The following CDK2AP1 variants were observed in gnomAD, a reference collection of about 807,000 sequenced individuals.
CDK2AP1 encodes cyclin dependent kinase 2 associated protein 1.
In CDK2AP1, 10 loss-of-function variants were observed where a neutral mutation model predicts 14.1. The observed-to-expected ratio is 0.71, with a 90% CI of 0.44 to 1.20. The LOEUF is 1.20. Ranked by LOEUF, CDK2AP1 falls within the 50% of genes most tolerant of loss-of-function variation. The pLI, the probability that CDK2AP1 is intolerant of heterozygous loss-of-function variation, is 0.00. For synonymous variants in CDK2AP1, 59 were observed against 59.8 expected (o/e 0.99, Z 0.06); for missense variants, 102 against 149.9 (o/e 0.68, Z 1.67).
chr12:123,263,369 G>A (rs1385029630), intron 3 of CDK2AP1, among the ~76,000 whole-genome samples: 2 of 152,158 alleles, frequency 1.3e-5, no homozygotes, highest in Non-Finnish European at 2.9e-5. Context: ...GCTTGGGCTT[G>A]GCTGTTGGCC....
intron 1 of CDK2AP1, among the ~76,000 whole-genome samples, chr12:123,269,988 G>C (rs924219532): frequency 3.3e-5 from 5 of 152,162 alleles, no homozygotes; most frequent in Admixed American, 3.3e-4. Context: ...GGTCCAGCCA[G>C]CCCAGAACAG....
rs1288995624 is a variant in CDK2AP1, at chr12:123,265,135, T to C, written c.280+61A>G. On this transcript the variant is annotated intron_variant, in intron 3 of 3. Coordinates refer to ENST00000261692, the MANE Select transcript of CDK2AP1 (RefSeq NM_004642.4). This position sits in a 1 kb window ranked among gnomAD's most constrained non-coding sequence, Gnocchi z 5.3. ...CACCTTCCCACATTTTCCCCAAAAG[T>C]CTTTCCAGAGTTAAAGGTCTAGCAC... 4 of 1,603,158 alleles carry C rather than the reference T, an allele frequency of 2.5e-6. No homozygotes were observed. In the African/African-American group the frequency reaches 5.4e-5, roughly 21 times the overall value.
At chr12:123,267,142 TC>T in intron 2 of CDK2AP1, 42 bp downstream of exon 2, 2 of 1,102,978 alleles carry the variant, frequency 1.8e-6, no homozygotes, top group Non-Finnish European at 2.8e-6. Flanking sequence ...GAAGCATGTC[TC>T]CCCCTGGCCC....
At chr12:123,266,151 TC>T (rs916516339) in intron 2 of CDK2AP1, among the ~76,000 whole-genome samples, 1 of 151,838 alleles carries the variant, frequency 6.6e-6, no homozygotes, top group African/African-American at 2.4e-5. Flanking sequence ...GGTCCTTGCC[TC>T]CCCCCTCCTC....
At chr12:123,266,424 G>C (rs1429761174) in intron 2 of CDK2AP1, among the ~76,000 whole-genome samples, 1 of 152,258 alleles carries the variant, frequency 6.6e-6, no homozygotes, top group East Asian at 1.9e-4. Flanking sequence ...GGTGGGGCAT[G>C]GCCGGGGAGC....
At chr12:123,268,955 C>A (rs566338192) in intron 1 of CDK2AP1, 15 of 152,324 alleles carry the variant, frequency 9.8e-5, no homozygotes, top group African/African-American at 3.6e-4. Context: ...CAGGGCCAGT[C>A]GCTGGGGGTA....
chr12:123,268,303 T>C, intron 1 of CDK2AP1: 3 of 894,802 alleles, frequency 3.4e-6, no homozygotes, highest in Non-Finnish European at 4.0e-6. Flanking sequence ...CACCAGCTGC[T>C]CGCTTGGTGT....
chr12:123,268,107 G>C (rs949112364), intron 1 of CDK2AP1: 1 of 824,566 alleles, frequency 1.2e-6, no homozygotes, highest in African/African-American at 1.8e-5. Flanking sequence ...CGTCCCAGTG[G>C]CCATTAGCGG....
At chr12:123,270,842 C>G in intron 1 of CDK2AP1, 1 of 984,998 alleles carries the variant, frequency 1.0e-6, no homozygotes, top group South Asian at 4.7e-5. Flanking sequence ...CGCGCGGGCC[C>G]CAGCAGCCCC....
Position 123,265,277 on chromosome 12 carries a change from G to A in CDK2AP1, c.199C>T (p.Leu67=), listed in dbSNP as rs747072774. The A allele has an allele frequency of 2.6e-5, 42 of 1,613,998 alleles. No individual in the cohort carries two copies. The highest frequency in any genetic ancestry group is 1.2e-5 in the Non-Finnish European group (14 of 1,179,976). ...TTCCCCAGCTCTTCAATGATGGCCA[G>A]CAGCTCCGCGTATTTGCTTTGGGGC... ...QVPQSKYAEL[L]AIIEELGKEI... is the part of the protein sequence containing the mutation. The change falls in exon 3 of 4, where the codon CTG becomes TTG. Residue 67 remains leucine (L), a synonymous_variant. Transcript: ENST00000261692. This position sits in a 1 kb window ranked among gnomAD's most constrained non-coding sequence, Gnocchi z 5.3.
At chr12:123,267,545 C>T (rs2048309804) in intron 1 of CDK2AP1, 1 of 417,364 alleles carries the variant, frequency 2.4e-6, no homozygotes, top group South Asian at 2.3e-5. Flanking sequence ...TTCCAAGCAG[C>T]AGGGCTGCTC....
At chr12:123,264,400 C>T (rs539257181) in intron 3 of CDK2AP1, among the ~76,000 whole-genome samples, 7 of 134,764 alleles carry the variant, frequency 5.2e-5, no homozygotes, top group Admixed American at 2.6e-4. Context: ...GCGGAGGTTG[C>T]GGTGAGCCGA....
chr12:123,263,146 G>A (rs2048250478), intron 3 of CDK2AP1, among the ~76,000 whole-genome samples: 2 of 150,868 alleles, frequency 1.3e-5, no homozygotes, highest in South Asian at 2.1e-4. Context: ...GGGAGGCGGA[G>A]GTTGCAGTGA....
At chr12:123,270,354 T>G (rs1043408115) in intron 1 of CDK2AP1, 1 of 173,956 alleles carries the variant, frequency 5.7e-6, no homozygotes, top group African/African-American at 2.4e-5. Flanking sequence ...GTGTCCAAGA[T>G]TTTTTTTAGG....
chr12:123,272,085 G>A (rs2048359803), upstream of CDK2AP1: 1 of 151,100 alleles, frequency 6.6e-6, no homozygotes, highest in African/African-American at 2.4e-5. Context: ...GCGGCTGCGG[G>A]AGGCCAGGGC....
At chr12:123,271,064 AG>A in intron 1 of CDK2AP1, 1 of 933,998 alleles carries the variant, frequency 1.1e-6, no homozygotes, top group Non-Finnish European at 1.3e-6. Flanking sequence ...GCAGCCCCGC[AG>A]CCCTCCATCC....
intron 1 of CDK2AP1, chr12:123,267,512 C>T: frequency 2.1e-6 from 1 of 482,166 alleles, no homozygotes; most frequent in South Asian, 2.0e-5. Context: ...CCTCACAGAG[C>T]TCCATCCCAT....
At chr12:123,270,636 C>T (rs2048345694) in intron 1 of CDK2AP1, among the ~76,000 whole-genome samples, 1 of 152,176 alleles carries the variant, frequency 6.6e-6, no homozygotes, top group Non-Finnish European at 1.5e-5. Flanking sequence ...CTCCCCATGG[C>T]TCCCTCGGTC....
intron 3 of CDK2AP1, among the ~76,000 whole-genome samples, chr12:123,264,108 CAA>C (rs772806319): frequency 8.8e-5 from 10 of 114,140 alleles, no homozygotes; most frequent in Admixed American, 1.8e-4. Context: ...GACTCCATCT[CAA>C]AAAAAAAAAA....
Sources: allele counts gnomAD v4.1 joint callset (sites outside exome capture counted in the v4.1 genomes callset), GRCh38; gene constraint gnomAD v4.1.1; non-coding constraint Gnocchi (gnomAD v3.1); transcripts MANE v1.5; gene names NCBI Gene and HGNC (gene_info 2026-07-23, HGNC 2026-07-21).